Variants in ARHGEF28 observed in about 807,000 individuals in gnomAD.
ARHGEF28 encodes the protein 190 kDa guanine nucleotide exchange factor.
Under a neutral mutation model 206.6 loss-of-function variants are expected in ARHGEF28, and 152 were observed. The ratio of observed to expected loss-of-function variants is 0.74; its 90% CI spans 0.64 to 0.84. The LOEUF is 0.84. Ranked by LOEUF, ARHGEF28 falls within the 40% of genes least tolerant of loss-of-function variation. The pLI, the probability that ARHGEF28 is intolerant of heterozygous loss-of-function variation, is 0.00. For synonymous variants in ARHGEF28, 763 were observed against 776.4 expected (o/e 0.98, Z 0.29); for missense variants, 2,028 against 2,073.2 (o/e 0.98, Z 0.42).
intron 1 of ARHGEF28, among the ~76,000 whole-genome samples, chr5:73,640,384 C>T (rs1392871684): frequency 6.6e-6 from 1 of 152,164 alleles, no homozygotes; most frequent in Non-Finnish European, 1.5e-5. Context: ...CTTCTTACAT[C>T]AGAATGCCAT....
intron 35 of ARHGEF28, among the ~76,000 whole-genome samples, chr5:73,935,730 A>G (rs1561209007): frequency 6.6e-6 from 1 of 152,184 alleles, no homozygotes. Context: ...TTATTCTAGG[A>G]AAGTGTGAAT....
rs373580858 is a variant in ARHGEF28 at position 73,807,906 on chromosome 5, T to G, written c.1024+12515T>G. Among the ~76,000 whole-genome samples, 41 of 152,118 alleles carry G rather than the reference T, an allele frequency of 2.7e-4. 1 individual carries two copies. The East Asian group carries it at 4.8e-3, about 18-fold the overall frequency. The stretch of plus-strand genomic sequence containing the variant: ...ACTATTTTCCTGCCCTGAGGTGTTT[T>G]GAGTATTTTCTTGTTTTCTTATTAT... On this transcript the variant is annotated intron_variant, in intron 9 of 35. Coordinates refer to ENST00000513042, the MANE Select transcript of ARHGEF28 (RefSeq NM_001177693.2).
intron 11 of ARHGEF28, among the ~76,000 whole-genome samples, chr5:73,845,239 G>C (rs976242177): frequency 2.0e-5 from 3 of 152,006 alleles, no homozygotes; most frequent in Admixed American, 6.6e-5. Flanking sequence ...GGATGGTCTC[G>C]ATCTCTGACC....
intron 2 of ARHGEF28, among the ~76,000 whole-genome samples, chr5:73,710,201 A>G (rs767795727): frequency 1.3e-4 from 20 of 152,220 alleles, no homozygotes; most frequent in Non-Finnish European, 2.6e-4. Context: ...GTTGTCCCAC[A>G]TATTCACCAG....
chr5:73,876,233 G>A (rs1044172638), intron 22 of ARHGEF28, among the ~76,000 whole-genome samples: 6 of 128,680 alleles, frequency 4.7e-5, no homozygotes, highest in Non-Finnish European at 8.2e-5. Context: ...TCTGTTATTG[G>A]TGTATAAGAA....
At chr5:73,792,887 C>T (rs1421936893) in intron 7 of ARHGEF28, among the ~76,000 whole-genome samples, 1 of 152,032 alleles carries the variant, frequency 6.6e-6, no homozygotes, top group Non-Finnish European at 1.5e-5. Context: ...GTGAAATTAG[C>T]CCATTTTGAC....
At chr5:73,801,363 C>T (rs997310986) in intron 9 of ARHGEF28, among the ~76,000 whole-genome samples, 23 of 152,102 alleles carry the variant, frequency 1.5e-4, no homozygotes, top group Admixed American at 2.6e-4. Flanking sequence ...AGGAGAATGG[C>T]GTGAACCCGG....
At chr5:73,750,839 A>G (rs750013248) in intron 3 of ARHGEF28, among the ~76,000 whole-genome samples, 3 of 152,038 alleles carry the variant, frequency 2.0e-5, no homozygotes, top group Non-Finnish European at 4.4e-5. Flanking sequence ...AGACTCTTTA[A>G]TTTTTATTAG....
intron 2 of ARHGEF28, among the ~76,000 whole-genome samples, chr5:73,748,203 TCTC>T: frequency 6.6e-6 from 1 of 152,304 alleles, no homozygotes; most frequent in Non-Finnish European, 1.5e-5. Flanking sequence ...GCTTTTCAGA[TCTC>T]CTTCCTGAAC....
Position 73,773,835 on chromosome 5 carries a change from A to T in ARHGEF28, c.476-20A>T. 2.6e-6 allele frequency: 4 copies of T among 1,567,154 alleles called. No homozygotes were observed. The highest frequency in any genetic ancestry group is 3.5e-6 in the Non-Finnish European group (4 of 1,155,206). On this transcript the variant is annotated intron_variant, in intron 4 of 35. Coordinates refer to ENST00000513042, the MANE Select transcript of ARHGEF28 (RefSeq NM_001177693.2). Reference sequence around the variant, plus strand: ...TTGTAAATGGAGGAACTAATATGGTATGTGTTTTTTCCTCTTCAGTATCTT... The same window carrying T: ...TTGTAAATGGAGGAACTAATATGGTTTGTGTTTTTTCCTCTTCAGTATCTT...
At chr5:73,934,423 G>C (rs1489235363) in intron 35 of ARHGEF28, among the ~76,000 whole-genome samples, 3 of 152,160 alleles carry the variant, frequency 2.0e-5, no homozygotes, top group Admixed American at 2.0e-4. Flanking sequence ...TTGATCTGTT[G>C]TAAAGTTTCA....
At chr5:73,639,801 A>G (rs1269023106) in intron 1 of ARHGEF28, among the ~76,000 whole-genome samples, 3 of 152,162 alleles carry the variant, frequency 2.0e-5, no homozygotes, top group Admixed American at 6.6e-5. Flanking sequence ...GTTGACATTT[A>G]TGCAATTAGA....
intron 9 of ARHGEF28, among the ~76,000 whole-genome samples, chr5:73,814,567 C>T (rs4522975): frequency 0.63 from 96,311 of 151,714 alleles, 30,857 homozygotes; most frequent in East Asian, 0.79. Context: ...TGCAGGGACG[C>T]GTGTGCTTAT....
In ARHGEF28 at chr5:73,849,723, A is replaced by G. The variant is rs553161759; in HGVS notation, c.1747+636A>G. 2.0e-5 allele frequency among the ~76,000 whole-genome samples: 3 copies of G among 152,132 alleles called. No homozygotes were observed. In the South Asian group the frequency reaches 6.2e-4, roughly 32 times the overall value. On this transcript the variant is annotated intron_variant, in intron 13 of 35. Transcript: ENST00000513042. ...TGAATTCAGATCTATAAATGGAAAA[A>G]TTATGTACAACTTAGAGCTCCCCTT... is the stretch of plus-strand genomic sequence containing the variant.
intron 14 of ARHGEF28, among the ~76,000 whole-genome samples, chr5:73,857,228 T>G (rs1337122025): frequency 6.6e-6 from 1 of 152,194 alleles, no homozygotes; most frequent in Non-Finnish European, 1.5e-5. Context: ...AAAATCCAGT[T>G]GCATATTGTT....
chr5:73,791,370 G>T (rs1213787329), intron 7 of ARHGEF28, among the ~76,000 whole-genome samples: 1 of 152,208 alleles, frequency 6.6e-6, no homozygotes, highest in Non-Finnish European at 1.5e-5. Context: ...TGACATTTGT[G>T]GGGGCAGGCA....
At chr5:73,686,642 C>T (rs529961665) in intron 2 of ARHGEF28, among the ~76,000 whole-genome samples, 2 of 151,896 alleles carry the variant, frequency 1.3e-5, no homozygotes, top group East Asian at 3.9e-4. Flanking sequence ...CCTCAGCCTC[C>T]TGAGTAGCTG....
At chr5:73,785,553 A>G (rs1269184067) in intron 7 of ARHGEF28, among the ~76,000 whole-genome samples, 1 of 152,114 alleles carries the variant, frequency 6.6e-6, no homozygotes, top group Non-Finnish European at 1.5e-5. Flanking sequence ...CTCCCTCGAC[A>G]TCCCACTTCA....
intron 2 of ARHGEF28, among the ~76,000 whole-genome samples, chr5:73,744,904 T>C (rs1305970000): frequency 3.3e-5 from 5 of 152,024 alleles, no homozygotes; most frequent in Non-Finnish European, 7.4e-5. Context: ...GAGACTATGA[T>C]GAAAGCCATA....
Sources: gnomAD v4.1 joint callset for allele counts (sites outside exome capture counted in the v4.1 genomes callset) on GRCh38, gnomAD v4.1.1 for gene constraint, MANE v1.5 for transcripts, NCBI Gene and HGNC (gene_info 2026-07-23, HGNC 2026-07-21) for gene names.